The following RARB variants were observed in gnomAD, a reference collection of about 807,000 sequenced individuals.
The protein encoded by RARB is HBV-activated protein.
RARB carries 17 observed loss-of-function variants against 51.9 expected under a neutral mutation model. That is an observed-to-expected ratio of 0.33 (90% CI 0.22 to 0.49). The LOEUF is 0.49. RARB is among the 20% of genes least tolerant of loss of function. The probability of loss-of-function intolerance (pLI) is 0.99; values close to 1 mark genes in which losing one functional copy is unlikely to be tolerated. For synonymous variants in RARB, 215 were observed against 195.4 expected, an observed-to-expected ratio of 1.10 and a Z score of -0.84; for missense variants, 369 against 550.8, an observed-to-expected ratio of 0.67 and a Z score of 3.30.
chr3:25,375,759 G>C (rs1706442269), intron 5 of RARB, among the ~76,000 whole-genome samples: 1 of 152,184 alleles, frequency 6.6e-6, no homozygotes, highest in South Asian at 2.1e-4. Context: ...GATGTATGCT[G>C]GGATGCATGT....
At chr3:25,052,949 T>A (rs947948755) in intron 2 of RARB, among the ~76,000 whole-genome samples, 3 of 151,712 alleles carry the variant, frequency 2.0e-5, no homozygotes, top group Non-Finnish European at 4.4e-5. Context: ...GCAGAAGCAA[T>A]GAGATTGTCC....
In RARB at chr3:25,322,154, T is replaced by C. The variant is rs866162528; in HGVS notation, c.179-139039T>C. On this transcript the variant is annotated intron_variant, in intron 5 of 11. Coordinates refer to the RARB transcript ENST00000383772. Reference sequence around the variant, plus strand: ...GTATTCCCAAATACGTATGGAAATTTGGTATATGAGGTGGGCATTGAAATG... The same window carrying C: ...GTATTCCCAAATACGTATGGAAATTCGGTATATGAGGTGGGCATTGAAATG... Among the ~76,000 whole-genome samples, 19 of 143,126 alleles carry C rather than the reference T, an allele frequency of 1.3e-4. No individual in the cohort carries two copies. In the Middle Eastern group the frequency reaches 0.011, roughly 84 times the overall value. 93.9% of individuals were successfully genotyped at this position (143,126 alleles called of 152,430 possible).
At chr3:24,967,365 T>A (rs529429495) in intron 2 of RARB, among the ~76,000 whole-genome samples, 1 of 152,304 alleles carries the variant, frequency 6.6e-6, no homozygotes, top group East Asian at 1.9e-4. Context: ...CCCAAGCCTC[T>A]GTTTCCCTTA....
At chr3:25,346,371 C>T (rs1026214107) in intron 5 of RARB, among the ~76,000 whole-genome samples, 9 of 152,180 alleles carry the variant, frequency 5.9e-5, no homozygotes, top group Admixed American at 3.3e-4. Context: ...CTTTTATAGT[C>T]ATCAGCCCCA....
intron 2 of RARB, among the ~76,000 whole-genome samples, chr3:24,883,469 T>C (rs1369985982): frequency 6.6e-6 from 1 of 151,670 alleles, no homozygotes; most frequent in Non-Finnish European, 1.5e-5. Context: ...TTAAATGCTA[T>C]AAAGTAAAGG....
intron 2 of RARB, among the ~76,000 whole-genome samples, chr3:24,886,098 C>T (rs1045911404): frequency 6.6e-6 from 1 of 152,158 alleles, no homozygotes; most frequent in Non-Finnish European, 1.5e-5. Context: ...TCAGCTCAAG[C>T]CCCTAGGTCT....
chr3:25,501,122 T>C (rs969707922), intron 2 of RARB, 60 bp from the exon 3 acceptor site: 4 of 1,521,394 alleles, frequency 2.6e-6, no homozygotes, highest in Non-Finnish European at 2.6e-6. Context: ...AGGTTGGCTT[T>C]GATTTCTGAT....
At chr3:25,381,623 G>C (rs1424247102) in intron 5 of RARB, among the ~76,000 whole-genome samples, 1 of 152,178 alleles carries the variant, frequency 6.6e-6, no homozygotes, top group East Asian at 1.9e-4. Flanking sequence ...CAGATGTTTT[G>C]AGAAATGCAT....
chr3:25,571,230 A>G (rs1166760322), intron 4 of RARB, among the ~76,000 whole-genome samples: 4 of 152,256 alleles, frequency 2.6e-5, no homozygotes, highest in Admixed American at 1.3e-4. Flanking sequence ...AAGCAGAGGT[A>G]GAACCTTGAG....
intron 4 of RARB, among the ~76,000 whole-genome samples, chr3:25,148,779 C>G (rs1171969006): frequency 6.6e-6 from 1 of 152,140 alleles, no homozygotes; most frequent in Non-Finnish European, 1.5e-5. Flanking sequence ...ATCACAGAGC[C>G]TTGTACCTTG....
At chr3:24,846,010 A>G (rs1193835935) in intron 1 of RARB, among the ~76,000 whole-genome samples, 1 of 152,204 alleles carries the variant, frequency 6.6e-6, no homozygotes, top group Non-Finnish European at 1.5e-5. Context: ...TTACCACAGG[A>G]GGAGCTGAGA....
At chr3:25,162,862 G>A (rs1365789530) in intron 4 of RARB, among the ~76,000 whole-genome samples, 1 of 152,172 alleles carries the variant, frequency 6.6e-6, no homozygotes, top group Non-Finnish European at 1.5e-5. Context: ...TGGATGTTGT[G>A]AATAATGCTG....
At chr3:25,098,307 C>G (rs1699338801) in intron 3 of RARB, among the ~76,000 whole-genome samples, 1 of 152,184 alleles carries the variant, frequency 6.6e-6, no homozygotes, top group South Asian at 2.1e-4. Flanking sequence ...ACTTGGCTCT[C>G]ACTGGTCAGC....
intron 3 of RARB, among the ~76,000 whole-genome samples, chr3:25,067,930 A>G (rs979964608): frequency 3.9e-5 from 6 of 151,912 alleles, no homozygotes; most frequent in Non-Finnish European, 7.4e-5. Context: ...CGAGGTCAGG[A>G]GTTTGAGACC....
intron 1 of RARB, among the ~76,000 whole-genome samples, chr3:25,430,863 G>T (rs1261558320): frequency 6.6e-6 from 1 of 151,060 alleles, no homozygotes; most frequent in African/African-American, 2.4e-5. Flanking sequence ...CCAACTTTAG[G>T]TTAAATGAAT....
At chr3:24,948,263 G>C (rs1252849830) in intron 2 of RARB, among the ~76,000 whole-genome samples, 1 of 152,144 alleles carries the variant, frequency 6.6e-6, no homozygotes, top group Non-Finnish European at 1.5e-5. Context: ...GATGGAAAAA[G>C]TCCAGGCAGA....
At chr3:25,039,143 G>C (rs1698062078) in intron 2 of RARB, among the ~76,000 whole-genome samples, 1 of 152,144 alleles carries the variant, frequency 6.6e-6, no homozygotes, top group Non-Finnish European at 1.5e-5. Context: ...TCAAAATAAA[G>C]CTGTGCTAAT....
intron 1 of RARB, among the ~76,000 whole-genome samples, chr3:24,843,944 C>T (rs1254379372): frequency 6.6e-6 from 1 of 151,704 alleles, no homozygotes; most frequent in Non-Finnish European, 1.5e-5. Flanking sequence ...CACATTCTCT[C>T]GGCACTTGTA....
intron 5 of RARB, among the ~76,000 whole-genome samples, chr3:25,385,123 G>A (rs1393459771): frequency 6.6e-6 from 1 of 152,162 alleles, no homozygotes; most frequent in Non-Finnish European, 1.5e-5. Flanking sequence ...TAGCCCTGTA[G>A]TTTGCAATGC....
Sources: allele counts gnomAD v4.1 joint callset (sites outside exome capture counted in the v4.1 genomes callset), GRCh38; gene constraint gnomAD v4.1.1; transcripts MANE v1.5; gene names NCBI Gene and HGNC (gene_info 2026-07-23, HGNC 2026-07-21).